The following ACACA variants were observed in gnomAD, a reference collection of about 807,000 sequenced individuals.
ACACA encodes acetyl-CoA carboxylase 1.
Under a neutral mutation model 296.1 loss-of-function variants are expected in ACACA, and 103 were observed. The ratio of observed to expected loss-of-function variants is 0.35; its 90% confidence interval spans 0.30 to 0.41. The LOEUF is 0.41. Ranked by LOEUF, ACACA falls within the 10% of genes least tolerant of loss-of-function variation. The pLI, the probability that ACACA is intolerant of heterozygous loss-of-function variation, is 1.00. For synonymous variants in ACACA, 953 were observed against 1,038.6 expected (o/e 0.92, Z 1.58); for missense variants, 1,554 against 2,989.7 (o/e 0.52, Z 11.20).
intron 40 of ACACA, 120 bp downstream of exon 40, chr17:37,181,081 A>T (rs2077300361): frequency 2.1e-5 from 22 of 1,036,298 alleles, no homozygotes; most frequent in Non-Finnish European, 3.3e-5. Flanking sequence ...AAATGAAAAC[A>T]GTGTCAAGAT....
At chr17:37,281,434 G>A (rs1468739104) in intron 5 of ACACA, among the ~76,000 whole-genome samples, 1 of 152,050 alleles carries the variant, frequency 6.6e-6, no homozygotes, top group Admixed American at 6.5e-5. Flanking sequence ...CCCTGTGCAT[G>A]TTTCTTTTAT....
At chr17:37,154,619 C>T (rs1260124806) in intron 43 of ACACA, among the ~76,000 whole-genome samples, 1 of 152,088 alleles carries the variant, frequency 6.6e-6, no homozygotes, top group East Asian at 1.9e-4. Context: ...GCCTCAGCCT[C>T]CCAAGTAGCT....
intron 41 of ACACA, among the ~76,000 whole-genome samples, chr17:37,174,020 A>ATTTTTTTTTTTTT (rs71159693): frequency 1.8e-4 from 3 of 16,796 alleles, no homozygotes; most frequent in African/African-American, 2.6e-4. Flanking sequence ...ATATATATAT[A>ATTTTTTTTTTTTT]TTTTTTTTTT....
intron 47 of ACACA, among the ~76,000 whole-genome samples, chr17:37,128,023 T>TAAAAAAAAAAAAAAA (rs2074890198): frequency 1.8e-4 from 4 of 22,558 alleles, no homozygotes; most frequent in Non-Finnish European, 3.1e-4. Flanking sequence ...AAACTCCATC[T>TAAAAAAAAAAAAAAA]CAAAAAAAAA....
intron 1 of ACACA, among the ~76,000 whole-genome samples, chr17:37,372,368 G>A (rs540037088): frequency 2.7e-5 from 4 of 148,720 alleles, no homozygotes; most frequent in Non-Finnish European, 4.4e-5. Flanking sequence ...AGCCGAGATC[G>A]CGCCACTGCA....
chr17:37,292,103 A>G (rs1043280602), intron 3 of ACACA, among the ~76,000 whole-genome samples: 4 of 152,148 alleles, frequency 2.6e-5, no homozygotes, highest in Non-Finnish European at 4.4e-5. Flanking sequence ...TACCTGTTCA[A>G]TGGCCTAAGG....
At chr17:37,120,028 G>C (rs998925621) in intron 50 of ACACA, among the ~76,000 whole-genome samples, 106 of 151,012 alleles carry the variant, frequency 7.0e-4, no homozygotes, top group African/African-American at 2.0e-3. Context: ...AAGTAGCTAG[G>C]GATTATAGGC....
intron 15 of ACACA, 70 bp from the exon 16 acceptor site, chr17:37,252,178 A>C: frequency 7.8e-7 from 1 of 1,274,794 alleles, no homozygotes; most frequent in South Asian, 1.2e-5. Flanking sequence ...AAATGAAATC[A>C]GGCTCAAATT....
chr17:37,404,010 T>C (rs571728440), intron 1 of ACACA, among the ~76,000 whole-genome samples: 1 of 152,310 alleles, frequency 6.6e-6, no homozygotes, highest in South Asian at 2.1e-4. Flanking sequence ...TGGCCTCAAA[T>C]GATCCATCTG....
At chr17:37,178,617 T>C (rs1470431158) in intron 41 of ACACA, among the ~76,000 whole-genome samples, 1 of 152,040 alleles carries the variant, frequency 6.6e-6, no homozygotes, top group Non-Finnish European at 1.5e-5. Context: ...GAGACCAACA[T>C]GGTGAAACCC....
At chr17:37,172,105 C>T (rs1264489298) in intron 41 of ACACA, among the ~76,000 whole-genome samples, 3 of 152,136 alleles carry the variant, frequency 2.0e-5, no homozygotes, top group African/African-American at 7.2e-5. Flanking sequence ...ACATAGGGTA[C>T]TATGTCACAT....
Position 37,383,821 on chromosome 17 carries a change from G to A in ACACA, c.38+22441C>T, listed in dbSNP as rs1473842646. Among the ~76,000 whole-genome samples the A allele has an allele frequency of 5.3e-5, 8 of 152,288 alleles. No individual in the cohort carries two copies. In the South Asian group the frequency reaches 1.5e-3, roughly 28 times the overall value. On this transcript the variant is annotated intron_variant, in intron 1 of 55. Transcript: ENST00000616317. ...CCAACTCAGCCTCCCAAAGTGCTGC[G>A]ATTATAGGCGTGAGCCACCTCACTT... is the stretch of plus-strand genomic sequence containing the variant.
chr17:37,249,754 A>T (rs1470009011), intron 16 of ACACA, among the ~76,000 whole-genome samples: 8 of 150,500 alleles, frequency 5.3e-5, no homozygotes, highest in Non-Finnish European at 1.2e-4. Flanking sequence ...GTTTTAAAAA[A>T]CCAGGAGGTG....
chr17:37,338,587 G>A lies in ACACA; in HGVS notation c.85+1217C>T, dbSNP rs1343582289. On this transcript the variant is annotated intron_variant, in intron 2 of 55. Coordinates refer to ENST00000616317, the MANE Select transcript of ACACA (RefSeq NM_198834.3). Reference sequence around the variant, plus strand: ...GGAGAATCGCTTGAACCTGGGAGGTGACAGAGCGAGACTCTGTCTCAAAAA... The same window carrying A: ...GGAGAATCGCTTGAACCTGGGAGGTAACAGAGCGAGACTCTGTCTCAAAAA... 2.0e-5 allele frequency among the ~76,000 whole-genome samples: 3 copies of A among 151,448 alleles called. No individual in the cohort carries two copies. The East Asian group carries it at 5.8e-4, about 29-fold the overall frequency.
rs898538122 is a variant in ACACA, at chr17:37,236,080, C to T, written c.3122-981G>A. Among the ~76,000 whole-genome samples, 4 of 152,158 alleles carry T rather than the reference C, an allele frequency of 2.6e-5. 1 individual carries two copies. The highest frequency in any genetic ancestry group is 2.6e-4 in the Admixed American group (4 of 15,284). ...ACAGTAAAGGATTATCACCTCAGTT[C>T]AGATTCCACGTTAAGTTACAAACCA... On this transcript the variant is annotated intron_variant, in intron 24 of 55. Transcript: ENST00000616317.
chr17:37,243,487 T>C lies in ACACA; in HGVS notation c.2815A>G (p.Ile939Val), dbSNP rs1185836172. ...PSLPLLELQD[I>V]MTSVSGRIPP... ...ATGCGGCCAGACACACTGGTCATAA[T>C]ATCTTGCAATTCTAGGAGAGGCAGG... The change falls in exon 22 of 56, where the codon ATT becomes GTT. Residue 939 changes from isoleucine to valine, a missense_variant. Ile to Val is a conservative substitution (Grantham distance 29). This residue lies in a region of ACACA where 316 missense variants were observed against 540.9 expected (regional missense o/e 0.58). Coordinates refer to ENST00000616317, the MANE Select transcript of ACACA (RefSeq NM_198834.3). 1 of 1,614,164 alleles carries C rather than the reference T, an allele frequency of 6.2e-7. No homozygotes were observed. The highest frequency in any genetic ancestry group is 1.1e-5 in the South Asian group (1 of 91,080).
At chr17:37,179,198 A>G (rs1418802403) in intron 41 of ACACA, 62 bp downstream of exon 41, 19 of 1,603,594 alleles carry the variant, frequency 1.2e-5, no homozygotes, top group Non-Finnish European at 1.5e-5. Context: ...TGACCACCTC[A>G]CAGAAAGCTG....
At chr17:37,099,448 T>TGATGGCGGGAGGGCG (rs2073188207) in intron 52 of ACACA, among the ~76,000 whole-genome samples, 1 of 135,210 alleles carries the variant, frequency 7.4e-6, no homozygotes, top group Non-Finnish European at 1.6e-5. Flanking sequence ...CCTGGAGGGC[T>TGATGGCGGGAGGGCG]GATGGCGGGA....
intron 5 of ACACA, among the ~76,000 whole-genome samples, chr17:37,280,123 T>C (rs1349816042): frequency 6.6e-6 from 1 of 152,150 alleles, no homozygotes; most frequent in Non-Finnish European, 1.5e-5. Flanking sequence ...CTCACCTATG[T>C]TAGGTATTAT....
Sources: allele counts gnomAD v4.1 joint callset (sites outside exome capture counted in the v4.1 genomes callset), GRCh38; gene constraint gnomAD v4.1.1; regional missense constraint gnomAD v4.1.1; transcripts MANE v1.5; gene names NCBI Gene and HGNC (gene_info 2026-07-23, HGNC 2026-07-21).